Variants in OCA2 observed in about 807,000 individuals in gnomAD.
OCA2 encodes the protein P protein.
In OCA2, 77 loss-of-function variants were observed where a neutral mutation model predicts 100.2. The ratio of observed to expected loss-of-function variants is 0.77; its 90% confidence interval spans 0.64 to 0.93. The LOEUF is 0.93. OCA2 is among the 40% of genes least tolerant of loss of function. The pLI, the probability that OCA2 is intolerant of heterozygous loss-of-function variation, is 0.00. For missense variants in OCA2, 1,062 were observed against 1,089.1 expected (o/e 0.98, Z 0.35); for synonymous variants, 432 against 439.2 (o/e 0.98, Z 0.21).
intron 23 of OCA2, among the ~76,000 whole-genome samples, chr15:27,799,799 C>T (rs2033516962): frequency 6.6e-6 from 1 of 151,738 alleles, no homozygotes; most frequent in South Asian, 2.1e-4. Context: ...GAAAAGTGAG[C>T]AGCCAGCCAC....
chr15:27,760,208 A>T (rs2030721649), intron 23 of OCA2, among the ~76,000 whole-genome samples: 1 of 152,050 alleles, frequency 6.6e-6, no homozygotes, highest in African/African-American at 2.4e-5. Context: ...ACTGAATGAA[A>T]ATGGAGCATC....
At chr15:27,995,573 G>A (rs992763672) in intron 9 of OCA2, among the ~76,000 whole-genome samples, 128 of 113,742 alleles carry the variant, frequency 1.1e-3, no homozygotes, top group Non-Finnish European at 2.3e-3. Flanking sequence ...TTTTTTTTCA[G>A]AGATGGAGGT....
At chr15:27,866,853 C>G (rs2036345273) in intron 21 of OCA2, among the ~76,000 whole-genome samples, 1 of 152,230 alleles carries the variant, frequency 6.6e-6, no homozygotes, top group Admixed American at 6.5e-5. Flanking sequence ...TGCATTGCAG[C>G]TAGAACAGGC....
chr15:27,804,447 G>A (rs2033741274), intron 23 of OCA2, among the ~76,000 whole-genome samples: 3 of 152,178 alleles, frequency 2.0e-5, no homozygotes, highest in Non-Finnish European at 4.4e-5. Flanking sequence ...TGCCCAGTTT[G>A]TGAAGTAGAA....
intron 23 of OCA2, among the ~76,000 whole-genome samples, chr15:27,814,923 GATAGATAGATAGATAGATAGAT>G (rs1566985720): frequency 1.6e-4 from 24 of 150,238 alleles, no homozygotes; most frequent in Admixed American, 7.3e-4. Context: ...TAGATAGATA[GATAGATAGATAGATAGATAGAT>G]ACAGAGATAT....
chr15:27,840,899 C>T (rs1042468382), intron 23 of OCA2, among the ~76,000 whole-genome samples: 3 of 152,134 alleles, frequency 2.0e-5, no homozygotes, highest in African/African-American at 7.2e-5. Flanking sequence ...ATGCTTTTGA[C>T]ACCAAAAACA....
intron 14 of OCA2, among the ~76,000 whole-genome samples, chr15:27,978,602 T>C (rs778159123): frequency 2.0e-5 from 3 of 152,230 alleles, no homozygotes; most frequent in Non-Finnish European, 2.9e-5. Flanking sequence ...AGCCACTTTG[T>C]TCTGATGAAT....
intron 17 of OCA2, among the ~76,000 whole-genome samples, chr15:27,954,944 G>C (rs551198469): frequency 1.3e-5 from 2 of 152,346 alleles, no homozygotes; most frequent in Non-Finnish European, 2.9e-5. Flanking sequence ...GCTCTATAAA[G>C]ATGTTTGCTT....
At chr15:27,927,368 G>A (rs1264242120) in intron 18 of OCA2, among the ~76,000 whole-genome samples, 2 of 152,200 alleles carry the variant, frequency 1.3e-5, no homozygotes, top group Admixed American at 1.3e-4. Context: ...GTATGCTAGT[G>A]TGTGGCTATA....
At chr15:28,033,548 CA>C (rs1181862870) in intron 2 of OCA2, among the ~76,000 whole-genome samples, 1 of 152,168 alleles carries the variant, frequency 6.6e-6, no homozygotes. Context: ...TGTCTGGGGC[CA>C]GTGAATATCC....
intron 23 of OCA2, among the ~76,000 whole-genome samples, chr15:27,805,164 G>A (rs1455718251): frequency 6.6e-6 from 1 of 152,234 alleles, no homozygotes; most frequent in African/African-American, 2.4e-5. Flanking sequence ...CGGCCCCACC[G>A]CGCAGAGCGC....
intron 21 of OCA2, among the ~76,000 whole-genome samples, chr15:27,868,937 G>A (rs2036434249): frequency 6.6e-6 from 1 of 152,226 alleles, no homozygotes; most frequent in Non-Finnish European, 1.5e-5. Flanking sequence ...GGAGAAGGGA[G>A]TGAGGGAAAG....
At chr15:27,891,393 T>C (rs2037455123) in intron 19 of OCA2, among the ~76,000 whole-genome samples, 1 of 152,192 alleles carries the variant, frequency 6.6e-6, no homozygotes, top group Non-Finnish European at 1.5e-5. Flanking sequence ...CATGGGTATG[T>C]ACTGGAAACA....
intron 19 of OCA2, among the ~76,000 whole-genome samples, chr15:27,877,380 C>G (rs2036833929): frequency 6.6e-6 from 1 of 151,604 alleles, no homozygotes; most frequent in African/African-American, 2.4e-5. Context: ...TATGGCTTTC[C>G]TGATTTTTTT....
intron 21 of OCA2, among the ~76,000 whole-genome samples, chr15:27,867,054 T>C (rs2036355233): frequency 6.6e-6 from 1 of 152,214 alleles, no homozygotes; most frequent in Non-Finnish European, 1.5e-5. Context: ...CGCCCCCCAT[T>C]CCCAGTGTGC....
At chr15:28,016,676 G>A (rs936710787) in intron 7 of OCA2, among the ~76,000 whole-genome samples, 2 of 152,128 alleles carry the variant, frequency 1.3e-5, no homozygotes, top group African/African-American at 2.4e-5. Context: ...CAGCCACTTA[G>A]GGGCTGAGGC....
chr15:27,863,273 C>T (rs1027685308), intron 21 of OCA2, among the ~76,000 whole-genome samples: 13 of 152,280 alleles, frequency 8.5e-5, no homozygotes, highest in African/African-American at 2.6e-4. Flanking sequence ...GCAGCAGTTC[C>T]GGGCGGATCC....
chr15:28,002,244 T>C (rs2041950463), intron 9 of OCA2, among the ~76,000 whole-genome samples: 2 of 152,222 alleles, frequency 1.3e-5, no homozygotes, highest in South Asian at 2.1e-4. Context: ...CTAACCAACT[T>C]GGATCTTTGG....
chr15:28,024,918 T>C lies in OCA2; in HGVS notation c.516-16A>G, dbSNP rs775999187. ...CACACAGCGCCTGCAAGAGAAAAAG[T>C]AGGGCCTTAGTGGCAAGGGCAGCAG... On this transcript the variant is annotated splice_polypyrimidine_tract_variant and intron_variant, in intron 4 of 23. Coordinates refer to ENST00000354638, the MANE Select transcript of OCA2 (RefSeq NM_000275.3). 3.7e-6 allele frequency: 6 copies of C among 1,613,868 alleles called. No homozygotes were observed. Among genetic ancestry groups the C allele is most frequent in the South Asian group, 1.1e-5 (1 of 91,040 alleles).
Sources: allele counts gnomAD v4.1 joint callset (sites outside exome capture counted in the v4.1 genomes callset), GRCh38; gene constraint gnomAD v4.1.1; transcripts MANE v1.5; gene names NCBI Gene and HGNC (gene_info 2026-07-23, HGNC 2026-07-21).